SLC25A26: variants seen among roughly 807,000 people sequenced by gnomAD.
SLC25A26 encodes mitochondrial S-adenosylmethionine carrier protein.
Under a neutral mutation model 37.8 loss-of-function variants are expected in SLC25A26, and 36 were observed. That is an observed-to-expected ratio of 0.95 (90% confidence interval 0.73 to 1.26). SLC25A26 has a LOEUF of 1.26. Among genes scored for constraint, SLC25A26 ranks in the 50% most tolerant of loss-of-function variants. The probability of loss-of-function intolerance (pLI) is 0.00; values close to 1 mark genes in which losing one functional copy is unlikely to be tolerated. For synonymous variants in SLC25A26, 129 were observed against 122.5 expected, an observed-to-expected ratio of 1.05 and a Z score of -0.35; for missense variants, 390 against 331.1, an observed-to-expected ratio of 1.18 and a Z score of -1.38.
At chr3:66,149,611 A>G (rs1198293903) in intron 1 of SLC25A26, among the ~76,000 whole-genome samples, 1 of 152,190 alleles carries the variant, frequency 6.6e-6, no homozygotes, top group Admixed American at 6.5e-5. Flanking sequence ...TTAGAAGAAA[A>G]TAACATATGA....
intron 1 of SLC25A26, among the ~76,000 whole-genome samples, chr3:66,178,952 T>G (rs2070642092): frequency 6.6e-6 from 1 of 152,134 alleles, no homozygotes; most frequent in South Asian, 2.1e-4. Flanking sequence ...AAATTCCTGG[T>G]GGTGGTGGCT....
intron 6 of SLC25A26, among the ~76,000 whole-genome samples, chr3:66,348,067 C>T (rs1256358515): frequency 6.6e-6 from 1 of 152,120 alleles, no homozygotes; most frequent in Non-Finnish European, 1.5e-5. Flanking sequence ...CAACAAACCA[C>T]CATGGGTCAC....
chr3:66,280,094 C>T (rs573937767), intron 5 of SLC25A26, among the ~76,000 whole-genome samples: 3 of 152,186 alleles, frequency 2.0e-5, no homozygotes, highest in African/African-American at 7.2e-5. Context: ...AAGGTTTTCT[C>T]ATCCTTTTAG....
At chr3:66,370,250 TTC>T (rs1358511475) in intron 8 of SLC25A26, among the ~76,000 whole-genome samples, 2 of 152,386 alleles carry the variant, frequency 1.3e-5, no homozygotes, top group East Asian at 1.9e-4. Flanking sequence ...TTCATAGTGC[TTC>T]TGTCTTTCTG....
rs550740181 is a variant in SLC25A26, at chr3:66,151,057, G to A, written c.-354+17073G>A. Among the ~76,000 whole-genome samples, 3 of 152,132 alleles carry A rather than the reference G, an allele frequency of 2.0e-5. No individual in the cohort carries two copies. The East Asian group carries it at 5.8e-4, about 30-fold the overall frequency. ...GTCCTTATGCTATTCTACAGACAAG[G>A]AAGCTGAGCCTCACTAAAGTTAAGG... On this transcript the variant is annotated intron_variant, in intron 1 of 10. Coordinates refer to the SLC25A26 transcript ENST00000676754.
At position 66,369,037 on chromosome 3, in the gene SLC25A26, AAAAAAACAAAAACAAAAAAAAAAAAC is replaced by A. The variant is rs1181965598; in HGVS notation, c.569-436_569-411del. On this transcript the variant is annotated intron_variant, in intron 7 of 9. Coordinates refer to ENST00000354883, the MANE Select transcript of SLC25A26 (RefSeq NM_001379210.1). ...GACCCTGTCTTTTCAAAAAAAAAAA[AAAAAAACAAAAACAAAAAAAAAAAAC>A]AAAAGACAGTGGCCTATAGAAAGTC... Among the ~76,000 whole-genome samples the A allele has an allele frequency of 7.0e-3, 162 of 23,054 alleles. 2 individuals carry two copies. Among genetic ancestry groups the A allele is most frequent in the South Asian group, 0.021 (14 of 652 alleles). 15.1% of individuals were successfully genotyped at this position (23,054 alleles called of 152,430 possible). A position where few individuals can be genotyped will look rare whatever the true frequency, so the allele number is the denominator to read the frequency against.
intron 5 of SLC25A26, among the ~76,000 whole-genome samples, chr3:66,315,602 G>T (rs988615235): frequency 7.9e-5 from 12 of 152,100 alleles, no homozygotes; most frequent in Non-Finnish European, 1.6e-4. Flanking sequence ...GTTGTTTTTG[G>T]GGAGAGAGTT....
At chr3:66,144,453 C>A (rs1273543230) in intron 1 of SLC25A26, among the ~76,000 whole-genome samples, 1 of 152,188 alleles carries the variant, frequency 6.6e-6, no homozygotes, top group African/African-American at 2.4e-5. Flanking sequence ...AAGCACTTCT[C>A]AGTTAGGGCC....
intron 7 of SLC25A26, among the ~76,000 whole-genome samples, chr3:66,365,062 A>T (rs972452351): frequency 1.3e-5 from 2 of 152,236 alleles, no homozygotes; most frequent in Non-Finnish European, 2.9e-5. Flanking sequence ...AAATATTCCC[A>T]TTTGTGAAAA....
At chr3:66,322,821 A>G (rs2075732002) in intron 5 of SLC25A26, among the ~76,000 whole-genome samples, 1 of 152,232 alleles carries the variant, frequency 6.6e-6, no homozygotes, top group Non-Finnish European at 1.5e-5. Context: ...AGTGCCTGAT[A>G]TTGAAGACCA....
At chr3:66,220,272 C>T (rs2071433240), upstream of SLC25A26, among the ~76,000 whole-genome samples, 1 of 152,324 alleles carries the variant, frequency 6.6e-6, no homozygotes, top group East Asian at 1.9e-4. Context: ...GAAAAAATGT[C>T]TGTCAATCAC....
upstream of SLC25A26, among the ~76,000 whole-genome samples, chr3:66,217,964 C>G (rs1295996468): frequency 4.6e-5 from 7 of 152,226 alleles, no homozygotes; most frequent in African/African-American, 1.4e-4. Context: ...ATATCTTCAT[C>G]ATTGCAAACT....
intron 2 of SLC25A26, among the ~76,000 whole-genome samples, chr3:66,238,325 A>G (rs1444489704): frequency 6.6e-6 from 1 of 152,202 alleles, no homozygotes; most frequent in African/African-American, 2.4e-5. Flanking sequence ...ACAGTTGATT[A>G]ACACATACTT....
rs981392816 is a variant in SLC25A26 at position 66,378,725 on chromosome 3, T to A, written c.*918T>A. ...ATGTGATTTTGCTTCGCCTATTTTT[T>A]TTTTCTTTTTTGGGGGAAGATAATT... On this transcript the variant is annotated 3_prime_UTR_variant, in exon 10 of 10. Transcript: ENST00000354883. 2.6e-5 allele frequency: 4 copies of A among 152,594 alleles called. No individual in the cohort carries two copies. The highest frequency in any genetic ancestry group is 5.9e-5 in the Non-Finnish European group (4 of 68,036). The allele number at this position is 152,594 out of a possible 1,614,324, so 9.5% of individuals were successfully genotyped here.
At chr3:66,182,791 G>T (rs2106763784) in intron 1 of SLC25A26, among the ~76,000 whole-genome samples, 1 of 151,570 alleles carries the variant, frequency 6.6e-6, no homozygotes, top group South Asian at 2.1e-4. Context: ...CTAATAAAGA[G>T]AATTAAAATG....
rs564772147 is a variant in SLC25A26, at chr3:66,305,012, G to C, written c.454-41352G>C. 4.6e-5 allele frequency among the ~76,000 whole-genome samples: 7 copies of C among 152,238 alleles called. No homozygotes were observed. In the East Asian group the frequency reaches 7.7e-4, roughly 17 times the overall value. ...CGGTAGTATCACTTGTTAGAGTTCT[G>C]AGATTCTTTATTAGCAACTGACAGT... On this transcript the variant is annotated intron_variant, in intron 5 of 9. Transcript: ENST00000354883.
intron 1 of SLC25A26, among the ~76,000 whole-genome samples, chr3:66,189,432 G>A (rs951134627): frequency 2.6e-5 from 4 of 151,638 alleles, no homozygotes; most frequent in African/African-American, 9.7e-5. Flanking sequence ...TGACATTTAC[G>A]CTTAACCTCT....
chr3:66,377,318 C>G (rs1156965469), intron 9 of SLC25A26, among the ~76,000 whole-genome samples: 2 of 152,150 alleles, frequency 1.3e-5, no homozygotes, highest in Middle Eastern at 3.4e-3. Context: ...GTTTTGGGGT[C>G]TCGAAGGACA....
intron 9 of SLC25A26, among the ~76,000 whole-genome samples, 166 bp from the exon 10 acceptor site, chr3:66,377,524 A>G (rs146993546): frequency 4.7e-4 from 71 of 151,994 alleles, no homozygotes; most frequent in African/African-American, 1.4e-3. Flanking sequence ...TTTTAGAACT[A>G]CTGTTGGGAC....
Sources: gnomAD v4.1 joint callset for allele counts (sites outside exome capture counted in the v4.1 genomes callset) on GRCh38, gnomAD v4.1.1 for gene constraint, MANE v1.5 for transcripts, NCBI Gene and HGNC (gene_info 2026-07-23, HGNC 2026-07-21) for gene names.